The following PHF20 variants were observed in gnomAD, a reference collection of about 807,000 sequenced individuals.
PHF20 encodes the protein PHD finger protein 20, also known as glioma-expressed antigen 2.
PHF20 carries 23 observed loss-of-function variants against 113.5 expected under a neutral mutation model. That is an observed-to-expected ratio of 0.20 (90% CI 0.15 to 0.29). The LOEUF (loss-of-function observed/expected upper bound fraction) is 0.29. PHF20 is among the 10% of genes least tolerant of loss of function. The pLI is 1.00. For synonymous variants in PHF20, 434 were observed against 457.3 expected (o/e 0.95, Z 0.65); for missense variants, 943 against 1,219.6 (o/e 0.77, Z 3.38).
chr20:35,851,883 C>T (rs1568652988), intron 4 of PHF20, among the ~76,000 whole-genome samples: 1 of 151,380 alleles, frequency 6.6e-6, no homozygotes, highest in Non-Finnish European at 1.5e-5. Context: ...CCATACTGCA[C>T]TCTAGCCTGG....
intron 1 of PHF20, among the ~76,000 whole-genome samples, chr20:35,789,345 C>T (rs1286843357): frequency 1.3e-5 from 2 of 150,296 alleles, no homozygotes; most frequent in African/African-American, 4.9e-5. Flanking sequence ...GCAGGAGAGT[C>T]GCTTGAATCT....
Position 35,871,033 on chromosome 20 carries a change from A to T in PHF20, c.1001A>T (p.Asn334Ile), listed in dbSNP as rs545669876. 1.2e-6 allele frequency: 2 copies of T among 1,612,778 alleles called. 1 individual carries two copies. The highest frequency in any genetic ancestry group is 2.7e-5 in the African/African-American group (2 of 74,986). Residue 334 changes from asparagine (N) to isoleucine (I), a missense_variant, in exon 8 of 18, where the codon AAT becomes ATT. This residue lies in a region of PHF20 where 592 missense variants were observed against 787.2 expected (regional missense o/e 0.75). Coordinates refer to ENST00000374012, the MANE Select transcript of PHF20 (RefSeq NM_016436.5). ...SRRRSSRLST[N>I]GTHEILDPDL... ...AGACGTTCCTCCAGGCTGTCCACTA[A>T]TGGGACCCATGAGATCCTAGATCCT...
chr20:35,785,422 C>T (rs1397235038), intron 1 of PHF20, among the ~76,000 whole-genome samples: 1 of 152,002 alleles, frequency 6.6e-6, no homozygotes, highest in African/African-American at 2.4e-5. Context: ...TGGGTTCAAG[C>T]GATTCTCCTG....
intron 15 of PHF20, among the ~76,000 whole-genome samples, chr20:35,937,404 G>A (rs2055885163): frequency 6.6e-6 from 1 of 151,690 alleles, no homozygotes; most frequent in Admixed American, 6.6e-5. Flanking sequence ...GGAGGTGGAG[G>A]TTGTGGTGAG....
At chr20:35,901,472 G>A (rs953736377) in intron 10 of PHF20, among the ~76,000 whole-genome samples, 1 of 151,020 alleles carries the variant, frequency 6.6e-6, no homozygotes, top group East Asian at 1.9e-4. Flanking sequence ...TAAAAATGCA[G>A]TAAGAATGTA....
At chr20:35,777,540 G>A (rs1220562446) in intron 1 of PHF20, among the ~76,000 whole-genome samples, 2 of 152,226 alleles carry the variant, frequency 1.3e-5, no homozygotes, top group Non-Finnish European at 2.9e-5. Flanking sequence ...GGTTGGGTGG[G>A]TGCAGTGGCT....
chr20:35,895,800 C>T (rs2054969845), intron 9 of PHF20, among the ~76,000 whole-genome samples: 1 of 151,514 alleles, frequency 6.6e-6, no homozygotes, highest in Non-Finnish European at 1.5e-5. Flanking sequence ...ATTCTCCTGC[C>T]TCAGCCTCCG....
chr20:35,937,532 A>G (rs1254557483), intron 15 of PHF20, among the ~76,000 whole-genome samples: 1 of 152,080 alleles, frequency 6.6e-6, no homozygotes, highest in Non-Finnish European at 1.5e-5. Context: ...GTGGAGACCA[A>G]GGTTCTTACC....
chr20:35,812,903 G>A (rs1186887263), intron 2 of PHF20, among the ~76,000 whole-genome samples: 1 of 152,124 alleles, frequency 6.6e-6, no homozygotes, highest in Non-Finnish European at 1.5e-5. Context: ...ATGGAAAAAT[G>A]GTAATATTCT....
At position 35,900,927 on chromosome 20, in the gene PHF20, A is replaced by G. The variant is rs143763338; in HGVS notation, c.1561+1279A>G. The stretch of plus-strand genomic sequence containing the variant: ...CAAAAATGAGTAAGAAAAATAATCT[A>G]TGGTATTTGAGGTCAGGACAGTAGT... On this transcript the variant is annotated intron_variant, in intron 10 of 17. Coordinates refer to ENST00000374012, the MANE Select transcript of PHF20 (RefSeq NM_016436.5). Among the ~76,000 whole-genome samples, 1,204 of 152,226 alleles carry G rather than the reference A, an allele frequency of 7.9e-3. 10 individuals carry two copies. The highest frequency in any genetic ancestry group is 0.038 in the East Asian group (198 of 5,180).
chr20:35,926,372 G>A (rs1392550181), intron 13 of PHF20, among the ~76,000 whole-genome samples: 3 of 150,834 alleles, frequency 2.0e-5, no homozygotes, highest in South Asian at 4.2e-4. Context: ...CGAGTAGCTG[G>A]GACTACAGGC....
chr20:35,888,244 G>A (rs2054775558), intron 9 of PHF20, among the ~76,000 whole-genome samples: 2 of 152,188 alleles, frequency 1.3e-5, no homozygotes, highest in Non-Finnish European at 2.9e-5. Flanking sequence ...ACCTCTCAAA[G>A]TGTTGGGATT....
rs1186356607 is a variant in PHF20 at position 35,947,776 on chromosome 20, C to G, written c.*149C>G. On this transcript the variant is annotated 3_prime_UTR_variant, in exon 18 of 18. Transcript: ENST00000374012. ...GGCCAGGAGTGTGGTGGACATTGGA[C>G]AAAGAGGCCATTTTGGCTGCGGGAG... 1.3e-6 allele frequency: 1 copy of G among 787,276 alleles called. No individual in the cohort carries two copies. The highest frequency in any genetic ancestry group is 1.7e-5 in the African/African-American group (1 of 57,348). The allele number at this position is 787,276 out of a possible 1,614,324, so 48.8% of individuals were successfully genotyped here. A position where few individuals can be genotyped will look rare whatever the true frequency, so the allele number is the denominator to read the frequency against.
chr20:35,911,197 C>T (rs73618541), intron 10 of PHF20, among the ~76,000 whole-genome samples: 1,582 of 152,180 alleles, frequency 0.01, 18 homozygotes, highest in East Asian at 0.033. Flanking sequence ...CCCGCTACCA[C>T]GCCCGGCTAA....
At chr20:35,938,642 C>A (rs1209550866) in intron 15 of PHF20, 55 bp from the exon 16 acceptor site, 1 of 1,509,230 alleles carries the variant, frequency 6.6e-7, no homozygotes, top group Non-Finnish European at 8.9e-7. Context: ...AATTGAGAAC[C>A]CCTGCAATGG....
At chr20:35,825,427 T>C (rs1186555756) in intron 2 of PHF20, among the ~76,000 whole-genome samples, 1 of 151,962 alleles carries the variant, frequency 6.6e-6, no homozygotes, top group Non-Finnish European at 1.5e-5. Context: ...TATTTAGGAG[T>C]TTGCACTCCC....
At chr20:35,840,056 T>C (rs1314289835) in intron 2 of PHF20, among the ~76,000 whole-genome samples, 3 of 152,178 alleles carry the variant, frequency 2.0e-5, no homozygotes, top group Non-Finnish European at 4.4e-5. Flanking sequence ...AAAGCAGGCC[T>C]GTTCATTTAG....
At position 35,949,856 on chromosome 20, in the gene PHF20, C is replaced by A. The variant is rs142985199; in HGVS notation, c.*2229C>A. On this transcript the variant is annotated 3_prime_UTR_variant, in exon 18 of 18. Coordinates refer to ENST00000374012, the MANE Select transcript of PHF20 (RefSeq NM_016436.5). The stretch of plus-strand genomic sequence containing the variant: ...TCACCTGAGGTCAGGAGTTCGAGAC[C>A]AGCCTGGCCAACAGGGTGAAACCCC... 4 of 152,704 alleles carry A rather than the reference C, an allele frequency of 2.6e-5. No homozygotes were observed. The highest frequency in any genetic ancestry group is 4.4e-5 in the Non-Finnish European group (3 of 68,058). The allele number at this position is 152,704 out of a possible 1,614,324, so 9.5% of individuals were successfully genotyped here. A position where few individuals can be genotyped will look rare whatever the true frequency, so the allele number is the denominator to read the frequency against.
chr20:35,898,073 A>G (rs2055022992), intron 9 of PHF20, among the ~76,000 whole-genome samples: 1 of 151,004 alleles, frequency 6.6e-6, no homozygotes. Context: ...ATGGGGTTTC[A>G]CCATGTTGTC....
Sources: allele counts gnomAD v4.1 joint callset (sites outside exome capture counted in the v4.1 genomes callset), GRCh38; gene constraint gnomAD v4.1.1; regional missense constraint gnomAD v4.1.1; transcripts MANE v1.5; gene names NCBI Gene and HGNC (gene_info 2026-07-23, HGNC 2026-07-21).